Variants in JUP observed in about 807,000 individuals in gnomAD.
JUP encodes the protein junction plakoglobin, also known as catenin (cadherin-associated protein), gamma 80kDa.
In JUP, 28 loss-of-function variants were observed where a neutral mutation model predicts 71.1. The ratio of observed to expected loss-of-function variants is 0.39; its 90% confidence interval spans 0.29 to 0.54. The LOEUF (loss-of-function observed/expected upper bound fraction) is 0.54. Ranked by LOEUF, JUP falls within the 20% of genes least tolerant of loss-of-function variation. The pLI, the probability that JUP is intolerant of heterozygous loss-of-function variation, is 0.62. For synonymous variants in JUP, 401 were observed against 438.9 expected, an observed-to-expected ratio of 0.91 and a Z score of 1.08; for missense variants, 869 against 1,030.1, an observed-to-expected ratio of 0.84 and a Z score of 2.14.
Position 41,775,888 on chromosome 17 carries a change from C to T in JUP, c.-8-4026G>A, listed in dbSNP as rs188100028. ...CCTGCCTCCTCCTCTGCGCAGCCAA[C>T]CCAGAGGGCTGGCACCGGGCACCCT... On this transcript the variant is annotated intron_variant, in intron 1 of 13. Coordinates refer to ENST00000393931, the MANE Select transcript of JUP (RefSeq NM_002230.4). The T allele has an allele frequency of 6.2e-6, 5 of 808,728 alleles. No homozygotes were observed. In the Admixed American group the frequency reaches 1.9e-4, roughly 30 times the overall value. The allele number at this position is 808,728 out of a possible 1,614,324, so 50.1% of individuals were successfully genotyped here. A position where few individuals can be genotyped will look rare whatever the true frequency, so the allele number is the denominator to read the frequency against.
chr17:41,767,982 G>A (rs1555604773), intron 4 of JUP, among the ~76,000 whole-genome samples: 4 of 152,208 alleles, frequency 2.6e-5, no homozygotes, highest in African/African-American at 9.6e-5. Flanking sequence ...GAGAAATAAG[G>A]CCAGGAGCAG....
chr17:41,782,595 T>TC (rs1324319466), intron 1 of JUP, among the ~76,000 whole-genome samples: 2 of 150,206 alleles, frequency 1.3e-5, no homozygotes, highest in African/African-American at 4.9e-5. Context: ...CCTCTCAACC[T>TC]CCCCCCAACA....
chr17:41,780,663 C>G (rs1341676567), intron 1 of JUP, among the ~76,000 whole-genome samples: 2 of 151,376 alleles, frequency 1.3e-5, no homozygotes, highest in African/African-American at 4.9e-5. Flanking sequence ...CTACTGCACT[C>G]CAGCCTGGGC....
At chr17:41,756,342 G>T in intron 12 of JUP, 128 bp from the exon 13 acceptor site, 1 of 867,502 alleles carries the variant, frequency 1.2e-6, no homozygotes, top group Non-Finnish European at 1.9e-6. Context: ...GCTCACGCCT[G>T]TAATCCCAGC....
chr17:41,769,803 G>A, intron 2 of JUP, 126 bp from the exon 3 acceptor site: 1 of 1,046,892 alleles, frequency 9.6e-7, no homozygotes. Context: ...CAAACCCCCA[G>A]CACATGACTG....
At chr17:41,768,266 G>T (rs562979785) in intron 4 of JUP, among the ~76,000 whole-genome samples, 1 of 152,170 alleles carries the variant, frequency 6.6e-6, no homozygotes, top group African/African-American at 2.4e-5. Flanking sequence ...AGGCATGGTC[G>T]TGGGTGCCTG....
chr17:41,781,160 G>C (rs532962379), intron 1 of JUP, among the ~76,000 whole-genome samples: 2 of 143,314 alleles, frequency 1.4e-5, no homozygotes, highest in Non-Finnish European at 3.0e-5. Context: ...CAGCCTGGGC[G>C]ACAGAGTGAG....
intron 7 of JUP, among the ~76,000 whole-genome samples, 160 bp from the exon 8 acceptor site, chr17:41,763,481 C>T (rs1206392115): frequency 2.6e-5 from 4 of 152,284 alleles, no homozygotes; most frequent in Middle Eastern, 3.4e-3. Flanking sequence ...TGTGAGAGGG[C>T]GTTACTATCC....
At position 41,771,659 on chromosome 17, in the gene JUP, G is replaced by A. The variant is rs1555606922; in HGVS notation, c.196C>T (p.Pro66Ser). ...CAGGGGTCCTGACCTTGGCTGGGGG[G>A]CACCCCCTGGGTGTAAGTGGTGGTT... Reference protein sequence around the residue: ...KKTTTYTQGVPPSQGDLEYQM... With the variant: ...KKTTTYTQGVSPSQGDLEYQM... Residue 66 changes from proline (P) to serine (S), a missense_variant, in exon 2 of 14, where the codon CCC becomes TCC. Physicochemically the swap from Pro to Ser is moderately conservative, Grantham distance 74. Coordinates refer to ENST00000393931, the MANE Select transcript of JUP (RefSeq NM_002230.4). 1.1e-5 allele frequency: 17 copies of A among 1,613,238 alleles called. No individual in the cohort carries two copies. The highest frequency in any genetic ancestry group is 2.2e-5 in the East Asian group (1 of 44,564).
rs1406214813 is a variant in JUP at position 41,764,791 on chromosome 17, G to A, written c.1080C>T (p.His360=). ...EAGGMQALGK[H]LTSNSPRLVQ... ...CCAGGCGGGGGCTGTTGCTGGTCAG[G>A]TGCTTGCCCAGGGCCTGCATCCCAC... is the stretch of plus-strand genomic sequence containing the variant. Residue 360 remains histidine (H), a synonymous_variant, in exon 7 of 14, where the codon CAC becomes CAT. Transcript: ENST00000393931. 3 of 1,613,616 alleles carry A rather than the reference G, an allele frequency of 1.9e-6. No homozygotes were observed. Among genetic ancestry groups the A allele is most frequent in the Non-Finnish European group, 2.5e-6 (3 of 1,179,978 alleles).
Position 41,758,534 on chromosome 17 carries a change from C to A in JUP, c.1654-16G>T. The A allele has an allele frequency of 6.2e-7, 1 of 1,604,986 alleles. No homozygotes were observed. The highest frequency in any genetic ancestry group is 1.1e-5 in the South Asian group (1 of 90,646). On this transcript the variant is annotated splice_polypyrimidine_tract_variant and intron_variant, in intron 9 of 13. Transcript: ENST00000393931. ...TCACACCATCCTGTGTGAGAGGAGG[C>A]AGGGGGCATGGGACAGGTGCCTTGG...
intron 1 of JUP, among the ~76,000 whole-genome samples, chr17:41,785,672 C>CTGCAAAG (rs1327993955): frequency 6.6e-6 from 1 of 152,230 alleles, no homozygotes; most frequent in Admixed American, 6.5e-5. Flanking sequence ...ATACTTCCTC[C>CTGCAAAG]TGCAAAGTTT....
At chr17:41,783,519 G>A (rs2047281319) in intron 1 of JUP, among the ~76,000 whole-genome samples, 1 of 151,936 alleles carries the variant, frequency 6.6e-6, no homozygotes, top group Non-Finnish European at 1.5e-5. Context: ...GAACTCCTGG[G>A]CTCAATCAAG....
intron 8 of JUP, among the ~76,000 whole-genome samples, chr17:41,760,775 G>A (rs1201003409): frequency 6.6e-6 from 1 of 151,128 alleles, no homozygotes; most frequent in Non-Finnish European, 1.5e-5. Flanking sequence ...TGGCCAGGCT[G>A]GTCTCGAACT....
At chr17:41,757,918 A>G in intron 10 of JUP, 134 bp from the exon 11 acceptor site, 1 of 721,900 alleles carries the variant, frequency 1.4e-6, no homozygotes. Context: ...ACTGGGGAGT[A>G]AGTGTTACTG....
rs1282052508 is a variant in JUP, at chr17:41,779,319, T to C, written c.-9+7269A>G. On this transcript the variant is annotated intron_variant, in intron 1 of 13. Transcript: ENST00000393931. Reference sequence around the variant, plus strand: ...ATTTTTTTTCTTTTCTCTTAAACTTTTCTAAACTTCCCAATTTTTTTTTTT... The same window carrying C: ...ATTTTTTTTCTTTTCTCTTAAACTTCTCTAAACTTCCCAATTTTTTTTTTT... 2.0e-5 allele frequency among the ~76,000 whole-genome samples: 3 copies of C among 149,868 alleles called. No individual in the cohort carries two copies. The Admixed American group carries it at 2.0e-4, about 10-fold the overall frequency.
intron 1 of JUP, among the ~76,000 whole-genome samples, chr17:41,773,306 G>A (rs1374903862): frequency 2.0e-5 from 3 of 152,188 alleles, no homozygotes; most frequent in African/African-American, 4.8e-5. Flanking sequence ...CCCCAGTGCC[G>A]CCCTGGCCCT....
chr17:41,769,300 C>T, intron 3 of JUP, 93 bp from the exon 4 acceptor site: 1 of 1,558,450 alleles, frequency 6.4e-7, no homozygotes, highest in South Asian at 1.1e-5. Flanking sequence ...TCAGACTCAT[C>T]ACACACGGGA....
intron 7 of JUP, 47 bp downstream of exon 7, chr17:41,764,666 A>G: frequency 6.7e-7 from 1 of 1,484,020 alleles, no homozygotes; most frequent in Non-Finnish European, 9.4e-7. Flanking sequence ...AGGAGGCTGG[A>G]TGGGGCAGCT....
Sources: gnomAD v4.1 joint callset for allele counts (sites outside exome capture counted in the v4.1 genomes callset) on GRCh38, gnomAD v4.1.1 for gene constraint, MANE v1.5 for transcripts, NCBI Gene and HGNC (gene_info 2026-07-23, HGNC 2026-07-21) for gene names.